The following SEMA3D variants were observed in gnomAD, a reference collection of about 807,000 sequenced individuals.
SEMA3D encodes semaphorin-3D.
A neutral mutation model predicts 100.1 loss-of-function variants in SEMA3D; 84 were observed. The observed-to-expected ratio is 0.84, with a 90% CI of 0.70 to 1.01. The LOEUF (loss-of-function observed/expected upper bound fraction) is 1.01, where lower values mean the gene tolerates loss of function less well. SEMA3D is among the 50% of genes least tolerant of loss of function. SEMA3D has a pLI of 0.00. For synonymous variants in SEMA3D, 312 were observed against 320.7 expected, an observed-to-expected ratio of 0.97 and a Z score of 0.29; for missense variants, 875 against 934.1, an observed-to-expected ratio of 0.94 and a Z score of 0.82.
At chr7:85,015,012 C>G (rs765326853) in intron 16 of SEMA3D, 47 bp downstream of exon 16, 18 of 1,437,594 alleles carry the variant, frequency 1.3e-5, no homozygotes, top group Middle Eastern at 3.6e-4. Flanking sequence ...GTGAGATATT[C>G]AGCTTGTAGA....
chr7:85,159,473 C>T lies in SEMA3D; in HGVS notation c.-172-5734G>A, dbSNP rs141894548. Among the ~76,000 whole-genome samples, 387 of 152,298 alleles carry T rather than the reference C, an allele frequency of 2.5e-3. 3 individuals carry two copies. Among genetic ancestry groups the T allele is most frequent in the African/African-American group, 8.9e-3 (369 of 41,574 alleles). On this transcript the variant is annotated intron_variant, in intron 1 of 18. Coordinates refer to ENST00000284136, the MANE Select transcript of SEMA3D (RefSeq NM_001384900.1). ...CATTACATTATTTTCCATCTTCTGT[C>T]ACTTCCATCCTCTGGTCATATACAA...
At chr7:85,055,916 G>C in intron 8 of SEMA3D, 57 bp from the exon 9 acceptor site, 1 of 952,046 alleles carries the variant, frequency 1.1e-6, no homozygotes, top group Non-Finnish European at 1.5e-6. Flanking sequence ...AGTCATCATA[G>C]TTTGATGATA....
intron 2 of SEMA3D, among the ~76,000 whole-genome samples, chr7:85,131,964 CAT>C (rs1469336442): frequency 2.0e-5 from 3 of 151,772 alleles, no homozygotes; most frequent in African/African-American, 7.2e-5. Flanking sequence ...AGGAACCTCA[CAT>C]AATTTATATT....
chr7:85,091,164 AGG>A (rs2116282688), intron 4 of SEMA3D, among the ~76,000 whole-genome samples: 1 of 122,256 alleles, frequency 8.2e-6, no homozygotes, highest in African/African-American at 4.5e-5. Flanking sequence ...GAAGGAAGGA[AGG>A]AAGGAAAGAA....
chr7:85,170,537 T>C (rs1233714127), intron 1 of SEMA3D, among the ~76,000 whole-genome samples: 1 of 151,968 alleles, frequency 6.6e-6, no homozygotes, highest in Non-Finnish European at 1.5e-5. Context: ...GATTTGAATA[T>C]AGAATAGGGC....
intron 2 of SEMA3D, chr7:85,140,880 T>C (rs1413624489): frequency 4.1e-6 from 3 of 739,678 alleles, no homozygotes; most frequent in Non-Finnish European, 4.9e-6. Flanking sequence ...AAAAAGAAAA[T>C]CAAAACACCA....
chr7:85,179,678 T>C (rs2116571420), intron 1 of SEMA3D, among the ~76,000 whole-genome samples: 1 of 140,238 alleles, frequency 7.1e-6, no homozygotes, highest in East Asian at 2.1e-4. Flanking sequence ...TTTTTTTTTT[T>C]TGAGACGGAA....
chr7:85,248,663 C>T, the SEMA3D span, among the ~76,000 whole-genome samples: 1 of 152,014 alleles, frequency 6.6e-6, no homozygotes, highest in Non-Finnish European at 1.5e-5. Flanking sequence ...ATGAGCTATC[C>T]AGTCATGAAA....
chr7:85,109,164 CT>C lies in SEMA3D; in HGVS notation c.152-11200del, dbSNP rs1789018162. Among the ~76,000 whole-genome samples the C allele has an allele frequency of 3.9e-5, 6 of 151,902 alleles. No individual in the cohort carries two copies. The South Asian group carries it at 1.2e-3, about 32-fold the overall frequency. On this transcript the variant is annotated intron_variant, in intron 3 of 18. Coordinates refer to ENST00000284136, the MANE Select transcript of SEMA3D (RefSeq NM_001384900.1). ...TTTGTGGTTTGTAACATCTGAGGAA[CT>C]TTCCCATTTATTATTTAATTTGATC...
chr7:85,224,375 T>G, the SEMA3D span, among the ~76,000 whole-genome samples: 1 of 152,202 alleles, frequency 6.6e-6, no homozygotes, highest in African/African-American at 2.4e-5. Context: ...AGAGCACAAT[T>G]CGTCGTCTTG....
At chr7:85,123,516 T>C (rs1789486590) in intron 2 of SEMA3D, among the ~76,000 whole-genome samples, 1 of 152,152 alleles carries the variant, frequency 6.6e-6, no homozygotes, top group Admixed American at 6.6e-5. Context: ...TCCCAGACTT[T>C]GAATATCAAG....
chr7:85,127,306 G>C (rs1789595141), intron 2 of SEMA3D, among the ~76,000 whole-genome samples: 1 of 152,078 alleles, frequency 6.6e-6, no homozygotes, highest in Non-Finnish European at 1.5e-5. Context: ...CATTATGTTT[G>C]CATTGCTAAA....
At chr7:85,101,921 T>G (rs1001075227) in intron 3 of SEMA3D, among the ~76,000 whole-genome samples, 2 of 151,994 alleles carry the variant, frequency 1.3e-5, no homozygotes, top group Admixed American at 1.3e-4. Context: ...TAAGAACATC[T>G]CTGCATTTTT....
intron 4 of SEMA3D, among the ~76,000 whole-genome samples, 183 bp from the exon 5 acceptor site, chr7:85,081,762 A>G (rs1788072938): frequency 6.6e-6 from 1 of 152,214 alleles, no homozygotes; most frequent in Admixed American, 6.5e-5. Context: ...TCTAAAAGAA[A>G]AGTGTCTAGT....
chr7:85,194,243 A>T, the SEMA3D span, among the ~76,000 whole-genome samples: 16 of 152,214 alleles, frequency 1.1e-4, no homozygotes, highest in African/African-American at 3.9e-4. Context: ...GTACTTTTTT[A>T]AAAAGTAGTG....
intron 3 of SEMA3D, among the ~76,000 whole-genome samples, chr7:85,100,713 TTTA>T (rs1261246853): frequency 6.6e-6 from 1 of 151,898 alleles, no homozygotes; most frequent in African/African-American, 2.4e-5. Context: ...AACAATGGGC[TTTA>T]TTATTATTTC....
chr7:85,179,713 C>G (rs1006809337), intron 1 of SEMA3D, among the ~76,000 whole-genome samples: 1 of 150,092 alleles, frequency 6.7e-6, no homozygotes, highest in Non-Finnish European at 1.5e-5. Context: ...CCAGGCCGGA[C>G]TGCAGTGGTG....
At chr7:85,073,170 A>G (rs962406427) in intron 5 of SEMA3D, 89 bp from the exon 6 acceptor site, 2 of 1,157,352 alleles carry the variant, frequency 1.7e-6, no homozygotes, top group East Asian at 2.4e-5. Context: ...AAGTAGATCA[A>G]TCTTCAAAAA....
the SEMA3D span, among the ~76,000 whole-genome samples, chr7:85,221,329 A>G: frequency 6.6e-6 from 1 of 152,092 alleles, no homozygotes; most frequent in Non-Finnish European, 1.5e-5. Flanking sequence ...TTTGAAGTAG[A>G]AACTGCATCT....
Sources: gnomAD v4.1 joint callset for allele counts (sites outside exome capture counted in the v4.1 genomes callset) on GRCh38, gnomAD v4.1.1 for gene constraint, MANE v1.5 for transcripts, NCBI Gene and HGNC (gene_info 2026-07-23, HGNC 2026-07-21) for gene names.